Variants in PKD2 observed in about 807,000 individuals in gnomAD.
PKD2 encodes polycystin 2, transient receptor potential cation channel, also known as polycystin-2.
PKD2 carries 48 observed loss-of-function variants against 105.9 expected under a neutral mutation model. The observed-to-expected ratio is 0.45, with a 90% CI of 0.36 to 0.58. The LOEUF (loss-of-function observed/expected upper bound fraction) is 0.58, where lower values mean the gene tolerates loss of function less well. Ranked by LOEUF, PKD2 falls within the 20% of genes least tolerant of loss-of-function variation. The pLI is 0.00. For synonymous variants in PKD2, 464 were observed against 481.1 expected (o/e 0.96, Z 0.46); for missense variants, 1,078 against 1,255.3 (o/e 0.86, Z 2.13).
chr4:88,029,344 T>TG (rs1316523328), intron 2 of PKD2, among the ~76,000 whole-genome samples: 2 of 152,342 alleles, frequency 1.3e-5, no homozygotes, highest in East Asian at 3.9e-4. Flanking sequence ...AACTAGTACT[T>TG]GCGTGCCAGT....
chr4:88,060,467 T>C (rs1720530067), intron 9 of PKD2, among the ~76,000 whole-genome samples: 1 of 145,142 alleles, frequency 6.9e-6, no homozygotes, highest in African/African-American at 2.8e-5. Context: ...TCATATATAC[T>C]GTATAATACA....
intron 2 of PKD2, among the ~76,000 whole-genome samples, chr4:88,020,805 T>C (rs1433130768): frequency 6.7e-6 from 1 of 150,314 alleles, no homozygotes; most frequent in East Asian, 2.0e-4. Context: ...TCCTCCCACC[T>C]CAGTCACCCA....
chr4:88,033,656 T>C (rs1294570628), intron 2 of PKD2, among the ~76,000 whole-genome samples: 2 of 152,144 alleles, frequency 1.3e-5, no homozygotes, highest in Admixed American at 6.5e-5. Flanking sequence ...TACTTATATA[T>C]AGTTATACCA....
Position 88,076,478 on chromosome 4 carries a change from T to G in PKD2, c.*784T>G, listed in dbSNP as rs1417801474. ...CACTCAGTTTAATTTCTTTTAATGG[T>G]TAGTTTAGCCTAAAGATTTATCTGC... On this transcript the variant is annotated 3_prime_UTR_variant, in exon 15 of 15. Coordinates refer to ENST00000237596, the MANE Select transcript of PKD2 (RefSeq NM_000297.4). 1 of 152,196 alleles carries G rather than the reference T, an allele frequency of 6.6e-6. No individual in the cohort carries two copies. The highest frequency in any genetic ancestry group is 6.5e-5 in the Admixed American group (1 of 15,272). The allele number at this position is 152,196 out of a possible 1,614,324, so 9.4% of individuals were successfully genotyped here.
rs144185024 is a variant in PKD2 at position 88,009,708 on chromosome 4, C to A, written c.595+1380C>A. Among the ~76,000 whole-genome samples, 667 of 152,204 alleles carry A rather than the reference C, an allele frequency of 4.4e-3. 3 individuals are homozygous for A. Among genetic ancestry groups the A allele is most frequent in the African/African-American group, 0.015 (634 of 41,520 alleles). On this transcript the variant is annotated intron_variant, in intron 1 of 14. Coordinates refer to ENST00000237596, the MANE Select transcript of PKD2 (RefSeq NM_000297.4). ...GGAACAGAAGATCCTTTTCGGATAA[C>A]CTGTGTGAGTAAATTAATAAAACAC... is the stretch of plus-strand genomic sequence containing the variant.
At chr4:88,055,314 C>T (rs1408747241) in intron 7 of PKD2, among the ~76,000 whole-genome samples, 1 of 152,114 alleles carries the variant, frequency 6.6e-6, no homozygotes, top group Admixed American at 6.5e-5. Context: ...CAAGAATTTC[C>T]TGGGGGGTTT....
intron 13 of PKD2, among the ~76,000 whole-genome samples, chr4:88,071,753 C>T (rs182884151): frequency 3.0e-4 from 45 of 152,210 alleles, no homozygotes; most frequent in Non-Finnish European, 6.0e-4. Flanking sequence ...TGGCCATGTA[C>T]GTAGTCACTC....
At chr4:88,064,629 A>ACGAG (rs1367059019) in intron 10 of PKD2, among the ~76,000 whole-genome samples, 1 of 151,634 alleles carries the variant, frequency 6.6e-6, no homozygotes, top group Non-Finnish European at 1.5e-5. Context: ...GCAGTGGCTC[A>ACGAG]CCCCTGTAAT....
At chr4:88,037,490 A>G (rs1727379227) in intron 3 of PKD2, among the ~76,000 whole-genome samples, 1 of 152,234 alleles carries the variant, frequency 6.6e-6, no homozygotes, top group South Asian at 2.1e-4. Flanking sequence ...AATTCTTACT[A>G]CACCCTGGGG....
At position 88,075,838 on chromosome 4, in the gene PKD2, A is replaced by G; in HGVS notation, c.*144A>G. The G allele has an allele frequency of 2.7e-6, 2 of 729,494 alleles. No homozygotes were observed. The highest frequency in any genetic ancestry group is 1.5e-5 in the South Asian group (1 of 66,002). 45.2% of individuals were successfully genotyped at this position (729,494 alleles called of 1,614,324 possible). On this transcript the variant is annotated 3_prime_UTR_variant, in exon 15 of 15. Transcript: ENST00000237596. The stretch of plus-strand genomic sequence containing the variant: ...TTGCTAATCTTCTGCACTTTAATTT[A>G]TTTTATATAAACTTTACCCATGGTT...
intron 4 of PKD2, 29 bp from the exon 5 acceptor site, chr4:88,043,204 G>GTTTGTTTTTTGGT: frequency 7.2e-7 from 1 of 1,396,646 alleles, no homozygotes; most frequent in Non-Finnish European, 1.0e-6. Flanking sequence ...GATTGTAACT[G>GTTTGTTTTTTGGT]TTTGTTTTTT....
intron 6 of PKD2, among the ~76,000 whole-genome samples, chr4:88,049,419 A>G (rs1727894047): frequency 1.3e-5 from 2 of 152,362 alleles, no homozygotes; most frequent in South Asian, 4.1e-4. Flanking sequence ...TTGGCTCAAC[A>G]GCCACAGCAT....
intron 2 of PKD2, among the ~76,000 whole-genome samples, chr4:88,020,547 G>A (rs1019479757): frequency 2.6e-5 from 4 of 152,030 alleles, no homozygotes; most frequent in Non-Finnish European, 5.9e-5. Flanking sequence ...CACAGGTGAT[G>A]GATTTGTCCT....
intron 2 of PKD2, among the ~76,000 whole-genome samples, chr4:88,029,154 C>T (rs1727059219): frequency 6.6e-6 from 1 of 152,156 alleles, no homozygotes; most frequent in Non-Finnish European, 1.5e-5. Context: ...GCATTTGGTC[C>T]AGTGGCATTT....
chr4:88,027,361 T>C (rs1435247658), intron 2 of PKD2, among the ~76,000 whole-genome samples: 1 of 152,246 alleles, frequency 6.6e-6, no homozygotes, highest in African/African-American at 2.4e-5. Context: ...ATGAATGCCC[T>C]GTCGAGTTTC....
intron 6 of PKD2, among the ~76,000 whole-genome samples, chr4:88,048,623 G>A (rs1418934285): frequency 6.6e-6 from 1 of 152,100 alleles, no homozygotes; most frequent in African/African-American, 2.4e-5. Context: ...TCAAGCCATG[G>A]ATATGTGCAC....
At chr4:88,039,664 C>G (rs142617421) in intron 4 of PKD2, among the ~76,000 whole-genome samples, 2 of 97,570 alleles carry the variant, frequency 2.0e-5, no homozygotes, top group Non-Finnish European at 4.3e-5. Flanking sequence ...GACTCCCCCT[C>G]AAAAAAAAAA....
At chr4:88,011,945 C>T (rs1726398986) in intron 1 of PKD2, among the ~76,000 whole-genome samples, 1 of 150,646 alleles carries the variant, frequency 6.6e-6, no homozygotes, top group Non-Finnish European at 1.5e-5. Flanking sequence ...TTGGCAATCT[C>T]TGGAGACATT....
chr4:88,064,996 A>G (rs1199403022), intron 10 of PKD2, among the ~76,000 whole-genome samples: 1 of 152,182 alleles, frequency 6.6e-6, no homozygotes, highest in African/African-American at 2.4e-5. Flanking sequence ...TAGATAATAT[A>G]AAAAATAAAA....
Sources: allele counts gnomAD v4.1 joint callset (sites outside exome capture counted in the v4.1 genomes callset), GRCh38; gene constraint gnomAD v4.1.1; transcripts MANE v1.5; gene names NCBI Gene and HGNC (gene_info 2026-07-23, HGNC 2026-07-21).